The following TAFA1 variants were observed in gnomAD, a reference collection of about 807,000 sequenced individuals.
The protein encoded by TAFA1 is TAFA chemokine like family member 1.
A neutral mutation model predicts 18.5 loss-of-function variants in TAFA1; 4 were observed. That is an observed-to-expected ratio of 0.22 (90% CI 0.11 to 0.49). The LOEUF (loss-of-function observed/expected upper bound fraction) is 0.49, where lower values mean the gene tolerates loss of function less well. TAFA1 is among the 20% of genes least tolerant of loss of function. The probability of loss-of-function intolerance (pLI) is 0.98; values close to 1 mark genes in which losing one functional copy is unlikely to be tolerated. For synonymous variants in TAFA1, 56 were observed against 55.2 expected (o/e 1.01, Z -0.06); for missense variants, 147 against 169.0 (o/e 0.87, Z 0.72).
rs1458980620 is a variant in TAFA1 at position 68,537,847 on chromosome 3, A to G, written c.260-909A>G. 2.0e-5 allele frequency among the ~76,000 whole-genome samples: 3 copies of G among 152,216 alleles called. No homozygotes were observed. In the East Asian group the frequency reaches 5.8e-4, roughly 29 times the overall value. On this transcript the variant is annotated intron_variant, in intron 3 of 4. Coordinates refer to ENST00000478136, the MANE Select transcript of TAFA1 (RefSeq NM_213609.4). Reference sequence around the variant, plus strand: ...CCTGTGGGTTCTTCCTGTCCACTGTACAGACAAAAACTAATTCACTGAGAC... The same window carrying G: ...CCTGTGGGTTCTTCCTGTCCACTGTGCAGACAAAAACTAATTCACTGAGAC...
chr3:68,358,625 G>A (rs923264196), intron 2 of TAFA1, among the ~76,000 whole-genome samples: 1 of 151,706 alleles, frequency 6.6e-6, no homozygotes, highest in Admixed American at 6.6e-5. Flanking sequence ...CCCCCATACC[G>A]CAAATCTATG....
intron 2 of TAFA1, among the ~76,000 whole-genome samples, chr3:68,394,191 C>T (rs1423874939): frequency 1.3e-5 from 2 of 152,132 alleles, no homozygotes; most frequent in Admixed American, 1.3e-4. Flanking sequence ...TGAGTAAACT[C>T]CCATTCACAA....
At chr3:68,195,502 A>G (rs1412236622) in intron 2 of TAFA1, among the ~76,000 whole-genome samples, 1 of 151,220 alleles carries the variant, frequency 6.6e-6, no homozygotes, top group Admixed American at 6.6e-5. Flanking sequence ...AACCAGGGGT[A>G]ACTGCCCCAC....
At chr3:68,268,685 A>G (rs991364167) in intron 2 of TAFA1, among the ~76,000 whole-genome samples, 3 of 152,096 alleles carry the variant, frequency 2.0e-5, no homozygotes, top group Admixed American at 2.0e-4. Flanking sequence ...AAACCTAAAA[A>G]TATCCACCTC....
intron 2 of TAFA1, among the ~76,000 whole-genome samples, chr3:68,107,845 G>A (rs376807731): frequency 2.6e-5 from 4 of 152,194 alleles, no homozygotes; most frequent in African/African-American, 9.6e-5. Context: ...ATAATTTAAT[G>A]TCTATTCCAA....
chr3:68,341,642 A>C (rs959433962), intron 2 of TAFA1, among the ~76,000 whole-genome samples: 2 of 152,210 alleles, frequency 1.3e-5, no homozygotes, highest in African/African-American at 4.8e-5. Context: ...GAGTTCAACT[A>C]TAAACTACTT....
At chr3:68,402,361 C>T (rs6549123) in intron 2 of TAFA1, among the ~76,000 whole-genome samples, 2,220 of 152,222 alleles carry the variant, frequency 0.015, 61 homozygotes, top group African/African-American at 0.046. Flanking sequence ...TTAATTCGGA[C>T]GGCCTTAGAC....
At chr3:68,158,707 C>T (rs1367770922) in intron 2 of TAFA1, among the ~76,000 whole-genome samples, 1 of 151,944 alleles carries the variant, frequency 6.6e-6, no homozygotes, top group African/African-American at 2.4e-5. Flanking sequence ...TTGTGATGAC[C>T]TTAACATTTT....
At chr3:68,362,836 T>C (rs978929802) in intron 2 of TAFA1, among the ~76,000 whole-genome samples, 4 of 152,014 alleles carry the variant, frequency 2.6e-5, no homozygotes, top group Non-Finnish European at 5.9e-5. Flanking sequence ...TCCAAACACA[T>C]TTTACTCTGA....
In TAFA1 at chr3:68,433,576, T is replaced by G. The variant is rs1461752004; in HGVS notation, c.259+16156T>G. On this transcript the variant is annotated intron_variant, in intron 3 of 4. Transcript: ENST00000478136. ...AGTTCATGAAGGTCTTGTTCACAGC[T>G]GCATGCCAGTGCCCAGCACAATGAC... Among the ~76,000 whole-genome samples, 6 of 152,130 alleles carry G rather than the reference T, an allele frequency of 3.9e-5. No individual in the cohort carries two copies. In the East Asian group the frequency reaches 1.2e-3, roughly 29 times the overall value.
intron 2 of TAFA1, among the ~76,000 whole-genome samples, chr3:68,393,990 C>T (rs2070321517): frequency 6.6e-6 from 1 of 151,878 alleles, no homozygotes; most frequent in Admixed American, 6.6e-5. Context: ...TCCTATTCAA[C>T]ATAGTATTGG....
chr3:68,374,804 C>G (rs1263915508), intron 2 of TAFA1, among the ~76,000 whole-genome samples: 1 of 152,156 alleles, frequency 6.6e-6, no homozygotes, highest in Non-Finnish European at 1.5e-5. Flanking sequence ...TCCATCCCTG[C>G]TAAGAACTCC....
At chr3:68,382,286 G>T (rs2069983318) in intron 2 of TAFA1, among the ~76,000 whole-genome samples, 1 of 152,114 alleles carries the variant, frequency 6.6e-6, no homozygotes, top group African/African-American at 2.4e-5. Context: ...GATGATGCTG[G>T]CCTCATAAAA....
At chr3:68,003,745 A>G (rs1404771164), upstream of TAFA1, among the ~76,000 whole-genome samples, 2 of 152,184 alleles carry the variant, frequency 1.3e-5, no homozygotes, top group Non-Finnish European at 2.9e-5. Context: ...ATATTTCTTC[A>G]TTTGATGCTG....
At chr3:68,173,751 G>GT (rs1392214559) in intron 2 of TAFA1, among the ~76,000 whole-genome samples, 1 of 152,086 alleles carries the variant, frequency 6.6e-6, no homozygotes, top group African/African-American at 2.4e-5. Context: ...TATTGTGTTG[G>GT]TTTTTTGCCT....
intron 2 of TAFA1, among the ~76,000 whole-genome samples, chr3:68,026,728 G>T (rs1476457161): frequency 6.6e-6 from 1 of 152,138 alleles, no homozygotes; most frequent in East Asian, 1.9e-4. Context: ...TGCAGTCTGT[G>T]CTCCTAACTA....
At chr3:68,092,064 C>T (rs1474204900) in intron 2 of TAFA1, among the ~76,000 whole-genome samples, 1 of 152,144 alleles carries the variant, frequency 6.6e-6, no homozygotes, top group Non-Finnish European at 1.5e-5. Flanking sequence ...AATCACAAAA[C>T]ATAAGCCCAA....
At chr3:68,401,419 CAA>C (rs1559652953) in intron 2 of TAFA1, among the ~76,000 whole-genome samples, 1 of 152,156 alleles carries the variant, frequency 6.6e-6, no homozygotes. Flanking sequence ...CAAACTCAAT[CAA>C]GAGAAAAACG....
intron 2 of TAFA1, among the ~76,000 whole-genome samples, chr3:68,343,298 G>T (rs905012978): frequency 6.6e-6 from 1 of 152,150 alleles, no homozygotes; most frequent in African/African-American, 2.4e-5. Context: ...GATTTCTGAG[G>T]TACCCTTAAT....
Sources: gnomAD v4.1 joint callset for allele counts (sites outside exome capture counted in the v4.1 genomes callset) on GRCh38, gnomAD v4.1.1 for gene constraint, MANE v1.5 for transcripts, NCBI Gene and HGNC (gene_info 2026-07-23, HGNC 2026-07-21) for gene names.